LSM12: variants seen among roughly 807,000 people sequenced by gnomAD.
LSM12 encodes protein LSM12.
For missense variants in LSM12, 108 were observed against 238.9 expected, an observed-to-expected ratio of 0.45 and a Z score of 3.61; for synonymous variants, 74 against 87.3, an observed-to-expected ratio of 0.85 and a Z score of 0.85.
chr17:44,036,328 A>C, intron 4 of LSM12, 28 bp from the exon 5 acceptor site: 2 of 1,613,918 alleles, frequency 1.2e-6, no homozygotes, highest in Non-Finnish European at 1.7e-6. Context: ...ACCCAGGTCA[A>C]CAAAGGAGAT....
At chr17:44,046,911 T>C (rs938682934) in intron 2 of LSM12, among the ~76,000 whole-genome samples, 3 of 151,656 alleles carry the variant, frequency 2.0e-5, no homozygotes, top group Middle Eastern at 3.4e-3. Flanking sequence ...TTTGTATTTT[T>C]AGTAGAGATG....
At chr17:44,052,855 T>C (rs538628005) in intron 2 of LSM12, among the ~76,000 whole-genome samples, 1 of 151,434 alleles carries the variant, frequency 6.6e-6, no homozygotes, top group African/African-American at 2.4e-5. Flanking sequence ...AATAAATAAA[T>C]CACCACTCTG....
chr17:44,056,713 T>C (rs867942750), intron 2 of LSM12, among the ~76,000 whole-genome samples: 101 of 147,752 alleles, frequency 6.8e-4, no homozygotes, highest in Middle Eastern at 7.4e-3. Context: ...AAAAAAAAAA[T>C]ACAGCCTGGT....
chr17:44,041,714 C>G (rs1281366581), intron 2 of LSM12, among the ~76,000 whole-genome samples: 1 of 152,150 alleles, frequency 6.6e-6, no homozygotes, highest in Non-Finnish European at 1.5e-5. Context: ...CCTGTCAATC[C>G]CTATCACCTC....
In LSM12 at chr17:44,036,770, G is replaced by A. The variant is rs193248997; in HGVS notation, c.496-470C>T. 1.1e-3 allele frequency: 175 copies of A among 165,944 alleles called. 1 individual carries two copies. The highest frequency in any genetic ancestry group is 2.7e-3 in the Admixed American group (47 of 17,664). The allele number at this position is 165,944 out of a possible 1,614,324, so 10.3% of individuals were successfully genotyped here. A position where few individuals can be genotyped will look rare whatever the true frequency, so the allele number is the denominator to read the frequency against. ...TGACATATGTAGGGTCAGAGACACC[G>A]ACGGCAACTGATTTATACCAACCAG... On this transcript the variant is annotated intron_variant, in intron 4 of 4. Coordinates refer to ENST00000293406, the MANE Select transcript of LSM12 (RefSeq NM_001371445.1).
intron 4 of LSM12, 85 bp downstream of exon 4, chr17:44,037,327 G>A: frequency 6.9e-7 from 1 of 1,451,392 alleles, no homozygotes; most frequent in Non-Finnish European, 9.1e-7. Context: ...AGAGACTGTA[G>A]CACAATGTCC....
intron 1 of LSM12, among the ~76,000 whole-genome samples, chr17:44,065,064 CG>C (rs2049853393): frequency 6.6e-6 from 1 of 151,490 alleles, no homozygotes; most frequent in South Asian, 2.1e-4. Flanking sequence ...ATCCGGGAGA[CG>C]GAAGTTGCAG....
intron 2 of LSM12, among the ~76,000 whole-genome samples, chr17:44,059,909 A>T (rs867913531): frequency 6.6e-6 from 1 of 152,188 alleles, no homozygotes; most frequent in African/African-American, 2.4e-5. Context: ...TCAAGCCTGT[A>T]ATCCCAGCAC....
intron 3 of LSM12, among the ~76,000 whole-genome samples, chr17:44,037,929 C>T (rs996794542): frequency 6.6e-6 from 1 of 152,216 alleles, no homozygotes; most frequent in African/African-American, 2.4e-5. Flanking sequence ...TCTGTTACAA[C>T]TAGCACTGAG....
At chr17:44,038,454 C>T (rs2049444638) in intron 3 of LSM12, among the ~76,000 whole-genome samples, 1 of 151,492 alleles carries the variant, frequency 6.6e-6, no homozygotes, top group African/African-American at 2.4e-5. Flanking sequence ...GTCAGGAGAT[C>T]GAGACCATCC....
At chr17:44,052,682 C>T (rs1030918961) in intron 2 of LSM12, among the ~76,000 whole-genome samples, 14 of 151,828 alleles carry the variant, frequency 9.2e-5, no homozygotes, top group African/African-American at 3.4e-4. Flanking sequence ...TCGCTTGAAC[C>T]CGGGAGGTGG....
chr17:44,055,914 C>T (rs1481615231), intron 2 of LSM12, among the ~76,000 whole-genome samples: 1 of 151,454 alleles, frequency 6.6e-6, no homozygotes, highest in Admixed American at 6.6e-5. Flanking sequence ...GAATTTTAAC[C>T]GTGAAACTGG....
chr17:44,041,334 AAC>A lies in LSM12; in HGVS notation c.259-1080_259-1079del, dbSNP rs1389054042. 8.8e-3 allele frequency among the ~76,000 whole-genome samples: 920 copies of A among 104,556 alleles called. 2 individuals are homozygous for A. The highest frequency in any genetic ancestry group is 0.014 in the South Asian group (41 of 2,944). 68.6% of individuals were successfully genotyped at this position (104,556 alleles called of 152,430 possible). ...ACACACACACACACACACACACACA[AAC>A]ACACACACACACACAGAATTTCCAT... On this transcript the variant is annotated intron_variant, in intron 2 of 4. Coordinates refer to ENST00000293406, the MANE Select transcript of LSM12 (RefSeq NM_001371445.1).
chr17:44,043,171 G>A (rs2049517831), intron 2 of LSM12, among the ~76,000 whole-genome samples: 1 of 152,212 alleles, frequency 6.6e-6, no homozygotes, highest in African/African-American at 2.4e-5. Context: ...GGAAGGAGGA[G>A]CAGGCGTGAG....
intron 2 of LSM12, among the ~76,000 whole-genome samples, chr17:44,062,550 T>G (rs1230718146): frequency 2.0e-5 from 3 of 152,130 alleles, no homozygotes; most frequent in African/African-American, 7.2e-5. Flanking sequence ...GAGGCATTAT[T>G]ATGATCAACT....
At chr17:44,064,761 G>A (rs1252952181) in intron 1 of LSM12, among the ~76,000 whole-genome samples, 1 of 151,222 alleles carries the variant, frequency 6.6e-6, no homozygotes, top group Non-Finnish European at 1.5e-5. Context: ...GTAATTCCTA[G>A]TTACAAGACC....
rs567231198 is a variant in LSM12 at position 44,042,815 on chromosome 17, C to T, written c.259-2559G>A. ...ATCTCCTGACCTCGTGATCCACCCA[C>T]CTGGGCCTCCCAAAGTGCTAGGATT... On this transcript the variant is annotated intron_variant, in intron 2 of 4. Coordinates refer to ENST00000293406, the MANE Select transcript of LSM12 (RefSeq NM_001371445.1). 4.6e-5 allele frequency among the ~76,000 whole-genome samples: 7 copies of T among 152,292 alleles called. No individual in the cohort carries two copies. The South Asian group carries it at 1.2e-3, about 27-fold the overall frequency.
At chr17:44,058,386 T>C (rs911255193) in intron 2 of LSM12, among the ~76,000 whole-genome samples, 2 of 151,988 alleles carry the variant, frequency 1.3e-5, no homozygotes, top group South Asian at 2.1e-4. Flanking sequence ...CCACAGAACA[T>C]AGATGTTTTT....
rs1454513489 is a variant in LSM12 at position 44,034,801 on chromosome 17, C to T, written c.*1407G>A. The T allele has an allele frequency of 1.1e-5, 1 of 92,308 alleles. No homozygotes were observed. Among genetic ancestry groups the T allele is most frequent in the African/African-American group, 4.5e-5 (1 of 22,136 alleles). The allele number at this position is 92,308 out of a possible 1,614,324, so 5.7% of individuals were successfully genotyped here. A position where few individuals can be genotyped will look rare whatever the true frequency, so the allele number is the denominator to read the frequency against. On this transcript the variant is annotated 3_prime_UTR_variant, in exon 5 of 5. Transcript: ENST00000293406. ...CCAAAAAAATAGTAGTTAACCCCCACCCCACCCCCAAAGCTCTAGCCAGTC... is the reference window on the plus strand; with the variant it reads ...CCAAAAAAATAGTAGTTAACCCCCATCCCACCCCCAAAGCTCTAGCCAGTC...
Sources: allele counts gnomAD v4.1 joint callset (sites outside exome capture counted in the v4.1 genomes callset), GRCh38; gene constraint gnomAD v4.1.1; transcripts MANE v1.5; gene names NCBI Gene and HGNC (gene_info 2026-07-23, HGNC 2026-07-21).